The following ALDH2 variants were observed in gnomAD, a reference collection of about 807,000 sequenced individuals.
ALDH2 encodes aldehyde dehydrogenase 2 family member, also known as aldehyde dehydrogenase, mitochondrial.
ALDH2 carries 44 observed loss-of-function variants against 59.6 expected under a neutral mutation model. The ratio of observed to expected loss-of-function variants is 0.74; its 90% CI spans 0.58 to 0.95. ALDH2 has a LOEUF of 0.95. Among genes scored for constraint, ALDH2 ranks in the 40% least tolerant of loss-of-function variants. ALDH2 has a pLI of 0.00. For missense variants in ALDH2, 570 were observed against 696.3 expected, an observed-to-expected ratio of 0.82 and a Z score of 2.04; for synonymous variants, 291 against 284.0, an observed-to-expected ratio of 1.02 and a Z score of -0.25.
At chr12:111,787,435 G>T (rs918069828) in intron 4 of ALDH2, among the ~76,000 whole-genome samples, 1 of 152,166 alleles carries the variant, frequency 6.6e-6, no homozygotes, top group African/African-American at 2.4e-5. Context: ...TCATCTTTTA[G>T]TTGTAATGCC....
chr12:111,775,654 TAA>T (rs904751570), intron 1 of ALDH2: 4 of 455,826 alleles, frequency 8.8e-6, no homozygotes, highest in African/African-American at 8.0e-5. Flanking sequence ...CTGGAAACTA[TAA>T]AGAGGAAGTG....
Position 111,785,337 on chromosome 12 carries a change from A to T in ALDH2, c.431A>T (p.Lys144Ile). Residue 144 changes from lysine to isoleucine, a missense_variant, in exon 4 of 13, where the codon AAA becomes ATA. Physicochemically the swap from Lys to Ile is moderately radical, Grantham distance 102. Coordinates refer to ENST00000261733, the MANE Select transcript of ALDH2 (RefSeq NM_000690.4). ...SYLVDLDMVL[K>I]CLRYYAGWAD... is the part of the protein sequence containing the mutation. Reference sequence around the variant, plus strand: ...CTGGTGGATTTGGACATGGTCCTCAAATGTCTCCGGTATGGGCTCAGCTTT... The same window carrying T: ...CTGGTGGATTTGGACATGGTCCTCATATGTCTCCGGTATGGGCTCAGCTTT... 1 of 1,613,742 alleles carries T rather than the reference A, an allele frequency of 6.2e-7. No individual in the cohort carries two copies. The highest frequency in any genetic ancestry group is 1.1e-5 in the South Asian group (1 of 91,078).
chr12:111,780,773 T>G (rs75285123), intron 1 of ALDH2, among the ~76,000 whole-genome samples: 2,353 of 152,246 alleles, frequency 0.015, 71 homozygotes, highest in African/African-American at 0.053. Context: ...TCCTCAGCCC[T>G]AGAACTGTGC....
At chr12:111,791,250 T>G in intron 6 of ALDH2, 56 bp from the exon 7 acceptor site, 78 of 1,337,162 alleles carry the variant, frequency 5.8e-5, no homozygotes, top group Non-Finnish European at 7.9e-5. Flanking sequence ...TTCCCCTGGT[T>G]GAGCCCTTCA....
At chr12:111,777,269 G>A (rs1404817244) in intron 1 of ALDH2, among the ~76,000 whole-genome samples, 2 of 152,202 alleles carry the variant, frequency 1.3e-5, no homozygotes, top group African/African-American at 2.4e-5. Context: ...TTGCTATGAG[G>A]TTTAAATGGG....
At chr12:111,781,067 C>T (rs1457228226) in intron 1 of ALDH2, among the ~76,000 whole-genome samples, 18 of 152,050 alleles carry the variant, frequency 1.2e-4, no homozygotes, top group Admixed American at 1.2e-3. Flanking sequence ...CATGATCACG[C>T]CACTGCACTC....
At chr12:111,807,579 G>A (rs1484446567) in intron 12 of ALDH2, among the ~76,000 whole-genome samples, 1 of 152,152 alleles carries the variant, frequency 6.6e-6, no homozygotes, top group Non-Finnish European at 1.5e-5. Context: ...GTGACAGGGT[G>A]GTATCTAAGC....
intron 4 of ALDH2, among the ~76,000 whole-genome samples, chr12:111,788,837 T>C (rs1175414694): frequency 6.6e-6 from 1 of 151,842 alleles, no homozygotes; most frequent in Non-Finnish European, 1.5e-5. Context: ...CCCACATCTC[T>C]ACAAAAAATT....
chr12:111,786,574 G>T (rs2068311478), intron 4 of ALDH2, among the ~76,000 whole-genome samples: 1 of 140,272 alleles, frequency 7.1e-6, no homozygotes, highest in Non-Finnish European at 1.6e-5. Flanking sequence ...TTGAGGCAGG[G>T]TCTCACTCTT....
intron 3 of ALDH2, among the ~76,000 whole-genome samples, chr12:111,784,778 C>T (rs1428913135): frequency 6.6e-6 from 1 of 152,090 alleles, no homozygotes; most frequent in Non-Finnish European, 1.5e-5. Context: ...CCATGCCCAG[C>T]TAATTTTGTA....
At chr12:111,799,056 G>T (rs1389045637) in intron 10 of ALDH2, among the ~76,000 whole-genome samples, 1 of 152,000 alleles carries the variant, frequency 6.6e-6, no homozygotes, top group Non-Finnish European at 1.5e-5. Flanking sequence ...GTAAAGACAG[G>T]GTTTCACCAT....
intron 9 of ALDH2, among the ~76,000 whole-genome samples, chr12:111,793,093 T>G (rs1432937692): frequency 6.6e-6 from 1 of 152,118 alleles, no homozygotes; most frequent in Non-Finnish European, 1.5e-5. Context: ...TGGTCATCAG[T>G]AGAAGTGTAT....
chr12:111,774,894 G>T (rs1232873327), intron 1 of ALDH2, among the ~76,000 whole-genome samples: 2 of 152,150 alleles, frequency 1.3e-5, no homozygotes, highest in Admixed American at 1.3e-4. Flanking sequence ...GGTGAAGAGG[G>T]ATCCTGTTAC....
At chr12:111,789,335 AAAAC>A (rs2068337441) in intron 4 of ALDH2, among the ~76,000 whole-genome samples, 1 of 151,674 alleles carries the variant, frequency 6.6e-6, no homozygotes, top group Non-Finnish European at 1.5e-5. Flanking sequence ...TTTCTTAAAA[AAAAC>A]AAAGAAGGTC....
rs185494407 is a variant in ALDH2 at position 111,809,933 on chromosome 12, C to T, written c.*358C>T. On this transcript the variant is annotated 3_prime_UTR_variant, in exon 13 of 13. Transcript: ENST00000261733. ...TCACCATTAAGGCAACTGCTACACC[C>T]TGCTTTGTATTCTGGGCTAAGATTC... 1 of 333,188 alleles carries T rather than the reference C, an allele frequency of 3.0e-6. No homozygotes were observed. The highest frequency in any genetic ancestry group is 5.5e-5 in the East Asian group (1 of 18,216). 20.6% of individuals were successfully genotyped at this position (333,188 alleles called of 1,614,324 possible). A position where few individuals can be genotyped will look rare whatever the true frequency, so the allele number is the denominator to read the frequency against.
chr12:111,796,018 T>C (rs1005243982), intron 9 of ALDH2, among the ~76,000 whole-genome samples: 1 of 151,928 alleles, frequency 6.6e-6, no homozygotes, highest in Non-Finnish European at 1.5e-5. Flanking sequence ...CCCAACACTT[T>C]GGGAGGCTGA....
chr12:111,798,391 C>A, intron 10 of ALDH2, 149 bp downstream of exon 10: 1 of 791,784 alleles, frequency 1.3e-6, no homozygotes. Context: ...ACACGCTATT[C>A]ATAGTATGTA....
rs146354947 is a variant in ALDH2, at chr12:111,770,629, A to C, written c.114+3533A>C. Among the ~76,000 whole-genome samples the C allele has an allele frequency of 7.6e-4, 116 of 151,718 alleles. 1 individual carries two copies. Among genetic ancestry groups the C allele is most frequent in the African/African-American group, 2.7e-3 (110 of 41,352 alleles). ...CAGGCATACCCCACCACACCTGACTAATTTTTGTATTTTTTATTTTATTTT... is the reference window on the plus strand; with the variant it reads ...CAGGCATACCCCACCACACCTGACTCATTTTTGTATTTTTTATTTTATTTT... On this transcript the variant is annotated intron_variant, in intron 1 of 12. Coordinates refer to ENST00000261733, the MANE Select transcript of ALDH2 (RefSeq NM_000690.4).
In ALDH2 at chr12:111,789,913, G is replaced by C. The variant is rs775896862; in HGVS notation, c.531G>C (p.Gly177=). Residue 177 remains glycine, a synonymous_variant, in exon 5 of 13, where the codon GGG becomes GGC. Coordinates refer to ENST00000261733, the MANE Select transcript of ALDH2 (RefSeq NM_000690.4). ...FFSYTRHEPV[G]VCGQIIPWNF... ...GCTACACACGCCATGAACCTGTGGG[G>C]GTGTGCGGGCAGATCATTCCGGTGA... is the stretch of plus-strand genomic sequence containing the variant. The C allele has an allele frequency of 1.2e-6, 2 of 1,614,034 alleles. No homozygotes were observed. The highest frequency in any genetic ancestry group is 2.7e-5 in the African/African-American group (2 of 74,926).
Sources: gnomAD v4.1 joint callset for allele counts (sites outside exome capture counted in the v4.1 genomes callset) on GRCh38, gnomAD v4.1.1 for gene constraint, MANE v1.5 for transcripts, NCBI Gene and HGNC (gene_info 2026-07-23, HGNC 2026-07-21) for gene names.